GPC6: variants seen among roughly 807,000 people sequenced by gnomAD.
GPC6 encodes the protein glypican 6, also known as glypican-6.
A neutral mutation model predicts 55.2 loss-of-function variants in GPC6; 14 were observed. The ratio of observed to expected loss-of-function variants is 0.25; its 90% CI spans 0.17 to 0.40. The LOEUF (loss-of-function observed/expected upper bound fraction) is 0.40, where lower values mean the gene tolerates loss of function less well. GPC6 is among the 10% of genes least tolerant of loss of function. GPC6 has a pLI of 1.00. For synonymous variants in GPC6, 278 were observed against 259.6 expected, an observed-to-expected ratio of 1.07 and a Z score of -0.68; for missense variants, 641 against 708.5, an observed-to-expected ratio of 0.90 and a Z score of 1.08.
chr13:93,362,373 A>G (rs1200576593), intron 1 of GPC6, among the ~76,000 whole-genome samples: 1 of 152,164 alleles, frequency 6.6e-6, no homozygotes. Context: ...TTACAGTATT[A>G]GTACCCATAA....
chr13:94,034,532 G>C (rs1883266948), intron 4 of GPC6, among the ~76,000 whole-genome samples: 1 of 152,038 alleles, frequency 6.6e-6, no homozygotes, highest in African/African-American at 2.4e-5. Context: ...TTTGAATCAA[G>C]CAATTTTCCC....
chr13:93,496,951 C>G (rs1164308195), intron 1 of GPC6, among the ~76,000 whole-genome samples: 1 of 152,126 alleles, frequency 6.6e-6, no homozygotes, highest in Non-Finnish European at 1.5e-5. Flanking sequence ...CTGATCTAAA[C>G]ATTGCTAGGC....
intron 5 of GPC6, among the ~76,000 whole-genome samples, chr13:94,300,263 A>G (rs769881993): frequency 1.3e-5 from 2 of 152,204 alleles, no homozygotes; most frequent in Non-Finnish European, 2.9e-5. Flanking sequence ...AAGACAATGA[A>G]GAAGATAAAG....
intron 1 of GPC6, among the ~76,000 whole-genome samples, chr13:93,509,352 G>T (rs1426603105): frequency 6.6e-6 from 1 of 152,156 alleles, no homozygotes; most frequent in African/African-American, 2.4e-5. Context: ...TGCCTTAATA[G>T]TATGAAAGAA....
chr13:93,577,629 A>C (rs1403206305), intron 2 of GPC6, among the ~76,000 whole-genome samples: 1 of 152,056 alleles, frequency 6.6e-6, no homozygotes, highest in African/African-American at 2.4e-5. Flanking sequence ...TCTCAATATA[A>C]GGTCGTGTCG....
At chr13:93,673,739 T>C (rs962403922) in intron 2 of GPC6, among the ~76,000 whole-genome samples, 2 of 152,224 alleles carry the variant, frequency 1.3e-5, no homozygotes, top group Non-Finnish European at 2.9e-5. Context: ...CCAAGTTATC[T>C]ATAAACAGAA....
At chr13:94,053,684 T>C (rs996342830) in intron 4 of GPC6, among the ~76,000 whole-genome samples, 3 of 152,138 alleles carry the variant, frequency 2.0e-5, no homozygotes, top group African/African-American at 7.2e-5. Flanking sequence ...CATCTATATA[T>C]GTAACTCCAG....
At chr13:93,710,563 A>G (rs992987164) in intron 2 of GPC6, among the ~76,000 whole-genome samples, 2 of 151,792 alleles carry the variant, frequency 1.3e-5, no homozygotes, top group African/African-American at 4.8e-5. Flanking sequence ...CATCTCGTCT[A>G]TTAGGAATCG....
intron 1 of GPC6, among the ~76,000 whole-genome samples, chr13:93,524,016 AG>A (rs925283803): frequency 3.3e-5 from 5 of 152,022 alleles, no homozygotes; most frequent in East Asian, 1.9e-4. Context: ...GTGGAAAGAG[AG>A]GGGGGAAAGT....
intron 4 of GPC6, among the ~76,000 whole-genome samples, chr13:94,053,725 A>G (rs931729742): frequency 2.6e-5 from 4 of 152,194 alleles, no homozygotes; most frequent in Admixed American, 1.3e-4. Context: ...TGGGTAGTTG[A>G]TACTTAGGGA....
chr13:93,740,262 A>G (rs1884156339), intron 2 of GPC6, among the ~76,000 whole-genome samples: 1 of 114,098 alleles, frequency 8.8e-6, no homozygotes, highest in Non-Finnish European at 1.6e-5. Flanking sequence ...AAAGTGTACT[A>G]AAGAAGTTTT....
At chr13:93,537,114 C>T (rs1882093682) in intron 1 of GPC6, among the ~76,000 whole-genome samples, 1 of 152,134 alleles carries the variant, frequency 6.6e-6, no homozygotes, top group Admixed American at 6.6e-5. Context: ...ATCACCCGCG[C>T]CCCAAATATC....
At chr13:93,318,837 CTA>C (rs1248217168) in intron 1 of GPC6, among the ~76,000 whole-genome samples, 1 of 152,030 alleles carries the variant, frequency 6.6e-6, no homozygotes, top group Non-Finnish European at 1.5e-5. Flanking sequence ...TATAGCTTTG[CTA>C]TATGTTATAG....
At chr13:93,545,217 C>G (rs1555309925) in intron 1 of GPC6, 46 bp from the exon 2 acceptor site, 1 of 1,539,506 alleles carries the variant, frequency 6.5e-7, no homozygotes, top group Non-Finnish European at 9.0e-7. Context: ...TAACGTCTAC[C>G]AAAAGTCCTT....
In GPC6 at chr13:94,279,094, A is replaced by G. The variant is rs182896029; in HGVS notation, c.878-7255A>G. Among the ~76,000 whole-genome samples the G allele has an allele frequency of 3.6e-3, 545 of 152,210 alleles. 3 individuals carry two copies. The highest frequency in any genetic ancestry group is 0.013 in the African/African-American group (525 of 41,546). ...GCTTTTTTTGGTTGGTAGGCTATTA[A>G]TTACTGCCTCAATTTCAGAACTTGT... On this transcript the variant is annotated intron_variant, in intron 4 of 8. Transcript: ENST00000377047.
intron 6 of GPC6, among the ~76,000 whole-genome samples, chr13:94,359,358 T>C (rs1354976821): frequency 6.6e-6 from 1 of 152,206 alleles, no homozygotes; most frequent in Non-Finnish European, 1.5e-5. Context: ...CATTTATGGA[T>C]CACCATGGCA....
At chr13:94,289,405 T>C (rs1317945410) in intron 5 of GPC6, among the ~76,000 whole-genome samples, 1 of 152,178 alleles carries the variant, frequency 6.6e-6, no homozygotes, top group African/African-American at 2.4e-5. Flanking sequence ...GCTCCTTTTT[T>C]AGGAGAGTTG....
chr13:94,071,128 G>A (rs1396238577), intron 4 of GPC6, among the ~76,000 whole-genome samples: 1 of 152,052 alleles, frequency 6.6e-6, no homozygotes, highest in Non-Finnish European at 1.5e-5. Flanking sequence ...ACCTTAAAAG[G>A]TAAAGAGAAA....
intron 3 of GPC6, among the ~76,000 whole-genome samples, chr13:93,854,787 T>C (rs1888538274): frequency 6.6e-6 from 1 of 151,792 alleles, no homozygotes; most frequent in African/African-American, 2.4e-5. Context: ...CTTTCTTTTA[T>C]TGAATAGTCT....
Sources: allele counts gnomAD v4.1 joint callset (sites outside exome capture counted in the v4.1 genomes callset), GRCh38; gene constraint gnomAD v4.1.1; transcripts MANE v1.5; gene names NCBI Gene and HGNC (gene_info 2026-07-23, HGNC 2026-07-21).